Variants in C10orf67 observed in about 807,000 individuals in gnomAD.
C10orf67 encodes the protein chromosome 10 open reading frame 67.
A neutral mutation model predicts 35.6 loss-of-function variants in C10orf67; 60 were observed. That is an observed-to-expected ratio of 1.68 (90% CI 1.37 to 2.09). The LOEUF is 2.09. C10orf67 is among the 30% of genes most tolerant of loss of function. The pLI, the probability that C10orf67 is intolerant of heterozygous loss-of-function variation, is 0.00. For synonymous variants in C10orf67, 167 were observed against 115.8 expected, an observed-to-expected ratio of 1.44 and a Z score of -2.84; for missense variants, 474 against 330.2, an observed-to-expected ratio of 1.44 and a Z score of -3.38.
In C10orf67 at chr10:23,302,089, C is replaced by T. The variant is rs562873840; in HGVS notation, c.702+1215G>A. On this transcript the variant is annotated intron_variant, in intron 5 of 15. Coordinates refer to ENST00000636213, the MANE Select transcript of C10orf67 (RefSeq NM_001371909.1). Reference sequence around the variant, plus strand: ...AACACGGACCAGAAGAGTGCAGTTACAAGATTTAATAGAGTGAAATAGAGT... The same window carrying T: ...AACACGGACCAGAAGAGTGCAGTTATAAGATTTAATAGAGTGAAATAGAGT... Among the ~76,000 whole-genome samples the T allele has an allele frequency of 5.9e-5, 9 of 152,218 alleles. No individual in the cohort carries two copies. The East Asian group carries it at 1.2e-3, about 20-fold the overall frequency.
At chr10:23,208,559 G>A (rs1264253797) in intron 15 of C10orf67, among the ~76,000 whole-genome samples, 1 of 152,214 alleles carries the variant, frequency 6.6e-6, no homozygotes, top group South Asian at 2.1e-4. Context: ...TTGAGTGACT[G>A]TCTTAGAACA....
chr10:23,329,746 G>A (rs1845358362), intron 2 of C10orf67, among the ~76,000 whole-genome samples: 1 of 122,810 alleles, frequency 8.1e-6, no homozygotes, highest in African/African-American at 3.1e-5. Flanking sequence ...GTCACAGTGA[G>A]TTATGATTGT....
rs975593639 is a variant in C10orf67 at position 23,231,973 on chromosome 10, G to A, written c.1434+7756C>T. Reference sequence around the variant, plus strand: ...AACCGGCAAAATTCAACAACATACCGCTTAGAACTACATGCACAAGTGATA... The same window carrying A: ...AACCGGCAAAATTCAACAACATACCACTTAGAACTACATGCACAAGTGATA... On this transcript the variant is annotated intron_variant, in intron 13 of 15. Transcript: ENST00000636213. Among the ~76,000 whole-genome samples, 28 of 151,890 alleles carry A rather than the reference G, an allele frequency of 1.8e-4. 1 individual carries two copies. The highest frequency in any genetic ancestry group is 4.6e-4 in the African/African-American group (19 of 41,350).
intron 13 of C10orf67, among the ~76,000 whole-genome samples, chr10:23,231,900 A>G (rs187097338): frequency 3.3e-4 from 50 of 152,334 alleles, no homozygotes; most frequent in African/African-American, 1.2e-3. Context: ...TCACAGAACA[A>G]TGTGTGCATT....
rs111975595 is a variant in C10orf67, at chr10:23,332,475, T to C, written c.327+587A>G. 2.0e-3 allele frequency among the ~76,000 whole-genome samples: 297 copies of C among 152,170 alleles called. 1 individual carries two copies. The highest frequency in any genetic ancestry group is 7.0e-3 in the African/African-American group (290 of 41,522). ...AGGTGGGTGGATTGCTTGAACCCAG[T>C]AGTTCAATAGCAGCCTGAAAAACAT... is the stretch of plus-strand genomic sequence containing the variant. On this transcript the variant is annotated intron_variant, in intron 2 of 15. Coordinates refer to ENST00000636213, the MANE Select transcript of C10orf67 (RefSeq NM_001371909.1).
chr10:23,281,907 A>G, intron 8 of C10orf67, 106 bp downstream of exon 8: 1 of 432,062 alleles, frequency 2.3e-6, no homozygotes, highest in South Asian at 5.9e-5. Context: ...TAAAGATGAA[A>G]TGAGTCATTC....
At chr10:23,301,568 G>T (rs1414090654) in intron 5 of C10orf67, among the ~76,000 whole-genome samples, 1 of 152,194 alleles carries the variant, frequency 6.6e-6, no homozygotes, top group African/African-American at 2.4e-5. Flanking sequence ...CCAAGATGGT[G>T]GTGGGCCACT....
chr10:23,274,495 G>T (rs116386696), intron 8 of C10orf67, among the ~76,000 whole-genome samples: 3,257 of 152,130 alleles, frequency 0.021, 113 homozygotes, highest in African/African-American at 0.075. Flanking sequence ...GCTGGGAAAA[G>T]AATTCGGTGA....
At chr10:23,258,681 G>A (rs528687834) in intron 10 of C10orf67, 3 of 152,172 alleles carry the variant, frequency 2.0e-5, no homozygotes, top group Admixed American at 6.5e-5. Flanking sequence ...AGATTTTATG[G>A]GTCTATTCCA....
Position 23,202,995 on chromosome 10 carries a change from C to A in C10orf67, c.*1178G>T, listed in dbSNP as rs1000943246. ...CTGGTGAAACTCTGCTGGAAACCAACTCACCAGCAATTGCCATTAATCTAC... is the reference window on the plus strand; with the variant it reads ...CTGGTGAAACTCTGCTGGAAACCAAATCACCAGCAATTGCCATTAATCTAC... On this transcript the variant is annotated 3_prime_UTR_variant, in exon 16 of 16. Transcript: ENST00000636213. The A allele has an allele frequency of 1.3e-5, 2 of 152,240 alleles. No individual in the cohort carries two copies. Among genetic ancestry groups the A allele is most frequent in the African/African-American group, 4.8e-5 (2 of 41,472 alleles). 9.4% of individuals were successfully genotyped at this position (152,240 alleles called of 1,614,324 possible).
At position 23,239,734 on chromosome 10, in the gene C10orf67, A is replaced by C; in HGVS notation, c.1429T>G (p.Tyr477Asp). ...FAVLADTSFN[Y>D]IKVKPLLVQS... ...TAAACATTACATGCACTTACAATAT[A>C]ATTGAAGGATGTGTCAGCAAGCACT... The change falls in exon 13 of 16, where the codon TAT (tyrosine) becomes GAT (aspartate). Residue 477 changes from tyrosine to aspartate, a missense_variant. Tyr to Asp is a radical substitution (Grantham distance 160). Coordinates refer to ENST00000636213, the MANE Select transcript of C10orf67 (RefSeq NM_001371909.1). 1.5e-6 allele frequency: 1 copy of C among 656,176 alleles called. No homozygotes were observed. The highest frequency in any genetic ancestry group is 2.7e-5 in the East Asian group (1 of 36,406). 40.6% of individuals were successfully genotyped at this position (656,176 alleles called of 1,614,324 possible).
intron 4 of C10orf67, chr10:23,316,966 C>T (rs1844740313): frequency 6.6e-6 from 1 of 152,232 alleles, no homozygotes; most frequent in Non-Finnish European, 1.5e-5. Flanking sequence ...GCAGCCTGGC[C>T]CCCAGGCTTC....
Position 23,344,609 on chromosome 10 carries a change from C to A in C10orf67, c.166G>T (p.Ala56Ser). ...ATTTGCGGGGGCTTGAATTCCCGAG[C>A]TTCTCGCTTCCTACGCGCGCAGCAG... ...RVCCARRKRE[A>S]REFKPPQMRG... The change falls in exon 1 of 16, where the codon GCT (alanine) becomes TCT (serine). Residue 56 changes from alanine to serine, a missense_variant. Transcript: ENST00000636213. 1 of 1,582,810 alleles carries A rather than the reference C, an allele frequency of 6.3e-7. No homozygotes were observed. The highest frequency in any genetic ancestry group is 8.6e-7 in the Non-Finnish European group (1 of 1,165,268).
At chr10:23,338,599 C>T (rs1443062705) in intron 1 of C10orf67, among the ~76,000 whole-genome samples, 3 of 152,214 alleles carry the variant, frequency 2.0e-5, no homozygotes, top group African/African-American at 7.2e-5. Context: ...CATCAAGGAA[C>T]TCATTTCACA....
intron 7 of C10orf67, among the ~76,000 whole-genome samples, chr10:23,283,500 C>A (rs938177067): frequency 6.6e-6 from 1 of 152,080 alleles, no homozygotes; most frequent in Non-Finnish European, 1.5e-5. Context: ...CATTAATTTT[C>A]TTTCTGAAAC....
At chr10:23,335,929 G>A (rs1448414534) in intron 1 of C10orf67, among the ~76,000 whole-genome samples, 1 of 152,120 alleles carries the variant, frequency 6.6e-6, no homozygotes, top group Non-Finnish European at 1.5e-5. Context: ...AAAATCATAT[G>A]TAACCACTTT....
intron 4 of C10orf67, among the ~76,000 whole-genome samples, chr10:23,311,331 G>A (rs1844485618): frequency 6.6e-6 from 1 of 152,176 alleles, no homozygotes; most frequent in South Asian, 2.1e-4. Context: ...AAGTTGACAG[G>A]AGCAACAGAC....
chr10:23,261,241 A>G (rs1842740160), intron 10 of C10orf67, among the ~76,000 whole-genome samples: 1 of 151,916 alleles, frequency 6.6e-6, no homozygotes, highest in African/African-American at 2.4e-5. Flanking sequence ...ACCTGCATAC[A>G]CACACACACA....
At chr10:23,258,770 G>A (rs192731504) in intron 10 of C10orf67, among the ~76,000 whole-genome samples, 1 of 152,302 alleles carries the variant, frequency 6.6e-6, no homozygotes, top group East Asian at 1.9e-4. Context: ...AAAAGCTGCT[G>A]ACAAGGTTTT....
Sources: gnomAD v4.1 joint callset for allele counts (sites outside exome capture counted in the v4.1 genomes callset) on GRCh38, gnomAD v4.1.1 for gene constraint, MANE v1.5 for transcripts, NCBI Gene and HGNC (gene_info 2026-07-23, HGNC 2026-07-21) for gene names.